Variants in RAI1 observed in about 807,000 individuals in gnomAD.
RAI1 encodes retinoic acid induced 1.
Under a neutral mutation model 123.8 loss-of-function variants are expected in RAI1, and 9 were observed. That is an observed-to-expected ratio of 0.07 (90% CI 0.04 to 0.13). RAI1 has a LOEUF of 0.13. Among genes scored for constraint, RAI1 ranks in the 10% least tolerant of loss-of-function variants. RAI1 has a pLI of 1.00. For synonymous variants in RAI1, 1,231 were observed against 1,127.3 expected, an observed-to-expected ratio of 1.09 and a Z score of -1.84; for missense variants, 2,256 against 2,545.8, an observed-to-expected ratio of 0.89 and a Z score of 2.45.
Position 17,795,052 on chromosome 17 carries a change from A to T in RAI1, c.2104A>T (p.Thr702Ser). ...CTTCGCTACGCCTGACCCCAAAAAG[A>T]CAACTGGTCCTCTCTCCTTTGGTAC... ...VAFATPDPKKTTGPLSFGTKP... is the reference protein window; with the variant it reads ...VAFATPDPKKSTGPLSFGTKP... Residue 702 changes from threonine (T) to serine (S), a missense_variant, in exon 3 of 6, where the codon ACA becomes TCA. Thr to Ser is a moderately conservative substitution (Grantham distance 58). This residue lies in a region of RAI1 where 566 missense variants were observed against 616.0 expected (regional missense o/e 0.92). Coordinates refer to ENST00000353383, the MANE Select transcript of RAI1 (RefSeq NM_030665.4). The surrounding 1 kb of genome is among the most constrained non-coding windows in gnomAD (Gnocchi z 5.9). 1 of 1,614,126 alleles carries T rather than the reference A, an allele frequency of 6.2e-7. No individual in the cohort carries two copies. The highest frequency in any genetic ancestry group is 2.2e-5 in the East Asian group (1 of 44,876).
chr17:17,754,408 G>T (rs1171715631), intron 2 of RAI1, among the ~76,000 whole-genome samples: 1 of 151,890 alleles, frequency 6.6e-6, no homozygotes, highest in Non-Finnish European at 1.5e-5. Context: ...GGCTAATTTT[G>T]TATTTTTAGT....
Position 17,795,777 on chromosome 17 carries a change from G to T in RAI1, c.2829G>T (p.Glu943Asp). 1 of 1,613,616 alleles carries T rather than the reference G, an allele frequency of 6.2e-7. No individual in the cohort carries two copies. Among genetic ancestry groups the T allele is most frequent in the Non-Finnish European group, 8.5e-7 (1 of 1,180,020 alleles). Reference protein sequence around the residue: ...GTESKVQSWFESSLSHMKPGE... With the variant: ...GTESKVQSWFDSSLSHMKPGE... ...AGTCAAAGGTCCAGAGCTGGTTTGAGTCCTCTCTGTCACACATGAAGCCAG... is the reference window on the plus strand; with the variant it reads ...AGTCAAAGGTCCAGAGCTGGTTTGATTCCTCTCTGTCACACATGAAGCCAG... Residue 943 changes from glutamate to aspartate, a missense_variant, in exon 3 of 6, where the codon GAG becomes GAT. This residue lies in a region of RAI1 where 566 missense variants were observed against 616.0 expected (regional missense o/e 0.92). Coordinates refer to ENST00000353383, the MANE Select transcript of RAI1 (RefSeq NM_030665.4). The surrounding 1 kb of genome is among the most constrained non-coding windows in gnomAD (Gnocchi z 5.9).
chr17:17,698,807 C>CT (rs1403516480), intron 1 of RAI1, among the ~76,000 whole-genome samples: 2 of 152,234 alleles, frequency 1.3e-5, no homozygotes, highest in African/African-American at 2.4e-5. Context: ...TGGTCGATAT[C>CT]TATGTTTGGA....
intron 1 of RAI1, among the ~76,000 whole-genome samples, chr17:17,696,547 A>T (rs1045783010): frequency 6.6e-6 from 1 of 152,090 alleles, no homozygotes; most frequent in Non-Finnish European, 1.5e-5. Flanking sequence ...TTCTTGGGAG[A>T]ACTTCCGAGA....
intron 2 of RAI1, among the ~76,000 whole-genome samples, chr17:17,743,510 C>T (rs905579352): frequency 1.3e-5 from 2 of 152,232 alleles, no homozygotes; most frequent in African/African-American, 4.8e-5. Flanking sequence ...CAGTCGCTGC[C>T]CCTGCCCGCA....
In RAI1 at chr17:17,797,592, C is replaced by T; in HGVS notation, c.4644C>T (p.Thr1548=). The T allele has an allele frequency of 6.2e-7, 1 of 1,614,022 alleles. No homozygotes were observed. The highest frequency in any genetic ancestry group is 8.5e-7 in the Non-Finnish European group (1 of 1,180,034). The change falls in exon 3 of 6, where the codon ACC becomes ACT. Residue 1548 remains threonine (T), a synonymous_variant. Transcript: ENST00000353383. ...KRLTRGRAKN[T]TSSPCKGRAK... The stretch of plus-strand genomic sequence containing the variant: ...TCACTCGGGGCCGGGCCAAGAACAC[C>T]ACCTCTTCACCCTGTAAGGGGCGTG...
At chr17:17,806,428 C>T (rs1312624103) in intron 4 of RAI1, among the ~76,000 whole-genome samples, 2 of 152,190 alleles carry the variant, frequency 1.3e-5, no homozygotes, top group East Asian at 1.9e-4. Flanking sequence ...TGAGTTGGCA[C>T]AGAATCCATG....
In RAI1 at chr17:17,810,911, A is replaced by C. The variant is rs1180728856; in HGVS notation, c.*930A>C. The stretch of plus-strand genomic sequence containing the variant: ...GTGTACAAAACCTGTGTACCCCTCT[A>C]TATATATGTTACATAGAATGTATAT... On this transcript the variant is annotated 3_prime_UTR_variant, in exon 6 of 6. Coordinates refer to ENST00000353383, the MANE Select transcript of RAI1 (RefSeq NM_030665.4). The surrounding 1 kb of genome is among the most constrained non-coding windows in gnomAD (Gnocchi z 4.6). The C allele has an allele frequency of 2.3e-5, 9 of 399,890 alleles. No homozygotes were observed. Among genetic ancestry groups the C allele is most frequent in the Middle Eastern group, 3.5e-4 (1 of 2,872 alleles). The allele number at this position is 399,890 out of a possible 1,614,324, so 24.8% of individuals were successfully genotyped here.
chr17:17,687,759 G>A (rs921050358), intron 1 of RAI1, among the ~76,000 whole-genome samples: 4 of 152,120 alleles, frequency 2.6e-5, no homozygotes, highest in African/African-American at 7.2e-5. Context: ...CTGGGGCGCC[G>A]TGGCTCACGC....
chr17:17,702,146 G>A (rs528199562), intron 1 of RAI1, among the ~76,000 whole-genome samples: 17 of 152,322 alleles, frequency 1.1e-4, no homozygotes, highest in Middle Eastern at 3.4e-3. Context: ...CCTGGCTAGG[G>A]CAGAACACTG....
At chr17:17,694,939 A>G (rs911256348) in intron 1 of RAI1, among the ~76,000 whole-genome samples, 16 of 152,044 alleles carry the variant, frequency 1.1e-4, no homozygotes, top group African/African-American at 3.6e-4. Flanking sequence ...TTACCGGGCC[A>G]GGCGGCGCGC....
chr17:17,730,536 C>T (rs1916236383), intron 2 of RAI1, among the ~76,000 whole-genome samples: 1 of 152,244 alleles, frequency 6.6e-6, no homozygotes, highest in Non-Finnish European at 1.5e-5. Flanking sequence ...ACTTCCTGGT[C>T]TGTATATGTT....
At chr17:17,701,439 C>T (rs768514988) in intron 1 of RAI1, among the ~76,000 whole-genome samples, 17 of 152,156 alleles carry the variant, frequency 1.1e-4, no homozygotes, top group African/African-American at 3.6e-4. Flanking sequence ...CTGGGATAGG[C>T]GCCTGCCCCT....
At chr17:17,788,191 C>A (rs976187243) in intron 2 of RAI1, among the ~76,000 whole-genome samples, 1 of 152,064 alleles carries the variant, frequency 6.6e-6, no homozygotes, top group African/African-American at 2.4e-5. Context: ...AGGGAGTGGT[C>A]TGGAGGGGCT....
chr17:17,718,977 CCT>C (rs1475630583), intron 1 of RAI1, among the ~76,000 whole-genome samples: 1 of 152,194 alleles, frequency 6.6e-6, no homozygotes, highest in African/African-American at 2.4e-5. Flanking sequence ...CCGTATCCAT[CCT>C]TCTTGCAAGT....
At chr17:17,784,445 T>C (rs1171781446) in intron 2 of RAI1, among the ~76,000 whole-genome samples, 2 of 152,214 alleles carry the variant, frequency 1.3e-5, no homozygotes, top group African/African-American at 4.8e-5. Context: ...GGCATAGAGC[T>C]GTAGACGGAT....
intron 2 of RAI1, among the ~76,000 whole-genome samples, chr17:17,735,759 T>G (rs1440231486): frequency 6.6e-6 from 1 of 152,218 alleles, no homozygotes; most frequent in Admixed American, 6.5e-5. Flanking sequence ...TGCAAGCAGA[T>G]GCCCAACCTG....
intron 2 of RAI1, among the ~76,000 whole-genome samples, chr17:17,769,065 GC>G (rs996214591): frequency 3.3e-5 from 5 of 152,246 alleles, no homozygotes; most frequent in Non-Finnish European, 5.9e-5. Flanking sequence ...TGGGGAAGGA[GC>G]CCCCAGGACT....
chr17:17,709,432 C>T (rs941661877), intron 1 of RAI1, among the ~76,000 whole-genome samples: 2 of 152,208 alleles, frequency 1.3e-5, no homozygotes, highest in South Asian at 2.1e-4. Context: ...TCTTCTCCAC[C>T]CCTCCAGGCT....
Sources: allele counts gnomAD v4.1 joint callset (sites outside exome capture counted in the v4.1 genomes callset), GRCh38; gene constraint gnomAD v4.1.1; regional missense constraint gnomAD v4.1.1; non-coding constraint Gnocchi (gnomAD v3.1); transcripts MANE v1.5; gene names NCBI Gene and HGNC (gene_info 2026-07-23, HGNC 2026-07-21).